Variants in MTHFS observed in about 807,000 individuals in gnomAD.
MTHFS encodes 5-formyltetrahydrofolate cyclo-ligase.
Under a neutral mutation model 12.7 loss-of-function variants are expected in MTHFS, and 7 were observed. That is an observed-to-expected ratio of 0.55 (90% CI 0.31 to 1.03). The LOEUF (loss-of-function observed/expected upper bound fraction) is 1.03. MTHFS is among the 50% of genes least tolerant of loss of function. MTHFS has a pLI of 0.05. For synonymous variants in MTHFS, 100 were observed against 97.1 expected, an observed-to-expected ratio of 1.03 and a Z score of -0.18; for missense variants, 252 against 258.1, an observed-to-expected ratio of 0.98 and a Z score of 0.16.
chr15:79,878,804 A>G (rs1596076581), intron 2 of MTHFS, among the ~76,000 whole-genome samples: 1 of 151,432 alleles, frequency 6.6e-6, no homozygotes, highest in Non-Finnish European at 1.5e-5. Context: ...CCTGGGTTTC[A>G]GCTGTGCTTG....
intron 2 of MTHFS, among the ~76,000 whole-genome samples, chr15:79,854,476 T>C (rs1163269136): frequency 6.6e-6 from 1 of 152,208 alleles, no homozygotes; most frequent in African/African-American, 2.4e-5. Context: ...CCACAGAGGC[T>C]GGTCTTCCTT....
rs1178538799 is a variant in MTHFS, at chr15:79,843,686, C to T, written c.*1524G>A. On this transcript the variant is annotated 3_prime_UTR_variant, in exon 3 of 3. Transcript: ENST00000258874. The stretch of plus-strand genomic sequence containing the variant: ...TAAAAAATTCTCTCTCTCACACACA[C>T]ACTATATGTCTAGTTGTGTACTAAG... 2 of 152,234 alleles carry T rather than the reference C, an allele frequency of 1.3e-5. No homozygotes were observed. The highest frequency in any genetic ancestry group is 2.1e-4 in the South Asian group (1 of 4,834). The allele number at this position is 152,234 out of a possible 1,614,324, so 9.4% of individuals were successfully genotyped here.
intron 2 of MTHFS, among the ~76,000 whole-genome samples, chr15:79,851,099 C>T (rs2033709779): frequency 6.6e-6 from 1 of 152,108 alleles, no homozygotes; most frequent in Non-Finnish European, 1.5e-5. Context: ...ATCTGCACAC[C>T]TTTGCTCCTG....
intron 2 of MTHFS, among the ~76,000 whole-genome samples, chr15:79,887,150 A>G (rs574359270): frequency 6.6e-6 from 1 of 152,120 alleles, no homozygotes; most frequent in African/African-American, 2.4e-5. Flanking sequence ...ACTTGAACCC[A>G]GGCGGTGGAA....
intron 2 of MTHFS, among the ~76,000 whole-genome samples, chr15:79,881,209 T>C (rs1039343143): frequency 2.6e-5 from 4 of 152,208 alleles, no homozygotes; most frequent in Non-Finnish European, 4.4e-5. Flanking sequence ...AAGTTCTATA[T>C]GTAGCGAGGT....
intron 1 of MTHFS, among the ~76,000 whole-genome samples, chr15:79,892,587 A>G (rs1255627456): frequency 6.6e-6 from 1 of 152,226 alleles, no homozygotes; most frequent in Non-Finnish European, 1.5e-5. Context: ...ACACATATCT[A>G]GTGACATAAA....
chr15:79,844,964 A>G lies in MTHFS; in HGVS notation c.*246T>C, dbSNP rs1157586188. The G allele has an allele frequency of 1.8e-6, 1 of 544,524 alleles. No individual in the cohort carries two copies. Among genetic ancestry groups the G allele is most frequent in the African/African-American group, 1.9e-5 (1 of 52,758 alleles). 33.7% of individuals were successfully genotyped at this position (544,524 alleles called of 1,614,324 possible). On this transcript the variant is annotated 3_prime_UTR_variant, in exon 3 of 3. Transcript: ENST00000258874. The stretch of plus-strand genomic sequence containing the variant: ...AGTAGACAGATCAACTTGTCACATT[A>G]ACACCAGGAAGTTAAGCTGAAAATC...
At chr15:79,873,806 G>C (rs1327969627) in intron 2 of MTHFS, among the ~76,000 whole-genome samples, 1 of 152,158 alleles carries the variant, frequency 6.6e-6, no homozygotes, top group Non-Finnish European at 1.5e-5. Flanking sequence ...GCTAAACATA[G>C]GAATATTACA....
At chr15:79,891,646 C>T (rs2034473882) in intron 1 of MTHFS, among the ~76,000 whole-genome samples, 1 of 151,938 alleles carries the variant, frequency 6.6e-6, no homozygotes, top group African/African-American at 2.4e-5. Flanking sequence ...ATCTGATTAA[C>T]AAGAGTTCCA....
At chr15:79,896,762 G>A (rs773259769) in intron 1 of MTHFS, 110 bp downstream of exon 1, 13 of 1,459,904 alleles carry the variant, frequency 8.9e-6, no homozygotes, top group Middle Eastern at 1.8e-4. Context: ...GGGGGGTGGG[G>A]GGGCGCCTAG....
chr15:79,891,365 G>GA lies in MTHFS; in HGVS notation c.118-2012dup, dbSNP rs142913993. ...GATGGGGAAAAAAATAAGAAGGGGAGAAAAAATGGACAAACAGGACAGATA... is the reference window on the plus strand; with the variant it reads ...GATGGGGAAAAAAATAAGAAGGGGAGAAAAAAATGGACAAACAGGACAGATA... On this transcript the variant is annotated intron_variant, in intron 1 of 2. Transcript: ENST00000258874. Among the ~76,000 whole-genome samples the GA allele has an allele frequency of 0.019, 2,935 of 152,172 alleles. 180 individuals carry two copies. The East Asian group carries it at 0.22, about 11-fold the overall frequency.
chr15:79,858,504 C>T (rs2033851608), intron 2 of MTHFS, among the ~76,000 whole-genome samples: 1 of 152,188 alleles, frequency 6.6e-6, no homozygotes, highest in Non-Finnish European at 1.5e-5. Context: ...TCATTTCCCA[C>T]CTAGGCCTGT....
chr15:79,892,163 T>A (rs2733087), intron 1 of MTHFS, among the ~76,000 whole-genome samples: 1 of 151,738 alleles, frequency 6.6e-6, no homozygotes, highest in Admixed American at 6.6e-5. Context: ...TCAAAAAAAA[T>A]TATCTGAAAA....
At chr15:79,888,637 G>C (rs1439139399) in intron 2 of MTHFS, among the ~76,000 whole-genome samples, 1 of 152,228 alleles carries the variant, frequency 6.6e-6, no homozygotes, top group Non-Finnish European at 1.5e-5. Context: ...TAGACCACAG[G>C]TGGGGCATAA....
chr15:79,886,773 A>G (rs1225560448), intron 2 of MTHFS, among the ~76,000 whole-genome samples: 1 of 152,230 alleles, frequency 6.6e-6, no homozygotes, highest in Non-Finnish European at 1.5e-5. Context: ...TTCCAGACCT[A>G]AAATAGTGTC....
At chr15:79,858,136 T>G (rs1197722552) in intron 2 of MTHFS, among the ~76,000 whole-genome samples, 2 of 152,080 alleles carry the variant, frequency 1.3e-5, no homozygotes, top group Non-Finnish European at 2.9e-5. Context: ...TCATTACTAA[T>G]GACTCACTTT....
At chr15:79,881,910 A>G (rs905352910) in intron 2 of MTHFS, among the ~76,000 whole-genome samples, 1 of 152,170 alleles carries the variant, frequency 6.6e-6, no homozygotes, top group Non-Finnish European at 1.5e-5. Context: ...CCTATCTGAA[A>G]ACAAAGAAGA....
At chr15:79,874,113 T>C (rs956075501) in intron 2 of MTHFS, among the ~76,000 whole-genome samples, 3 of 152,168 alleles carry the variant, frequency 2.0e-5, no homozygotes, top group South Asian at 2.1e-4. Context: ...ACAACTACTA[T>C]CTAAATCACT....
At chr15:79,845,466 A>G in intron 2 of MTHFS, 24 bp from the exon 3 acceptor site, 1 of 1,607,338 alleles carries the variant, frequency 6.2e-7, no homozygotes, top group African/African-American at 1.3e-5. Context: ...GAACAAATTT[A>G]AGAGGATTAA....
Sources: gnomAD v4.1 joint callset for allele counts (sites outside exome capture counted in the v4.1 genomes callset) on GRCh38, gnomAD v4.1.1 for gene constraint, MANE v1.5 for transcripts, NCBI Gene and HGNC (gene_info 2026-07-23, HGNC 2026-07-21) for gene names.